The following PRKN variants were observed in gnomAD, a reference collection of about 807,000 sequenced individuals.
PRKN encodes the protein parkin RBR E3 ubiquitin protein ligase.
In PRKN, 56 loss-of-function variants were observed where a neutral mutation model predicts 59.5. That is an observed-to-expected ratio of 0.94 (90% CI 0.76 to 1.18). PRKN has a LOEUF of 1.18. Among genes scored for constraint, PRKN ranks in the 50% most tolerant of loss-of-function variants. The pLI is 0.00. For missense variants in PRKN, 657 were observed against 596.4 expected (o/e 1.10, Z -1.06); for synonymous variants, 250 against 222.1 (o/e 1.13, Z -1.12).
intron 7 of PRKN, among the ~76,000 whole-genome samples, chr6:161,615,424 G>A (rs1218045459): frequency 6.6e-6 from 1 of 152,196 alleles, no homozygotes; most frequent in African/African-American, 2.4e-5. Context: ...GTATAAATAT[G>A]TCAATACTTT....
chr6:161,903,170 G>A (rs896541422), intron 6 of PRKN, among the ~76,000 whole-genome samples: 2 of 152,198 alleles, frequency 1.3e-5, no homozygotes, highest in East Asian at 1.9e-4. Flanking sequence ...GAGACAGGAC[G>A]GAAGCAGCGT....
At position 162,443,474 on chromosome 6, in the gene PRKN, C is replaced by T; in HGVS notation, c.8-1G>A. The T allele has an allele frequency of 6.2e-7, 1 of 1,614,000 alleles. No individual in the cohort carries two copies. Among genetic ancestry groups the T allele is most frequent in the South Asian group, 1.1e-5 (1 of 91,070 alleles). On this transcript the variant is annotated splice_acceptor_variant, in intron 1 of 11. Transcript: ENST00000366898. LOFTEE classifies it high-confidence loss of function. ...TGGCTGGAGTTGAACCTGACAAACA[C>T]TGACCAAGGAAATTGGAAGGGAGAA...
rs1403332788 is a variant in PRKN at position 161,379,047 on chromosome 6, A to C, written c.1167+7747T>G. Among the ~76,000 whole-genome samples, 1 of 152,148 alleles carries C rather than the reference A, an allele frequency of 6.6e-6. No individual in the cohort carries two copies. On this transcript the variant is annotated intron_variant, in intron 10 of 11. Coordinates refer to ENST00000366898, the MANE Select transcript of PRKN (RefSeq NM_004562.3). The surrounding 1 kb of genome is among the most constrained non-coding windows in gnomAD (Gnocchi z 4.9). ...CAAGGGATTAGCAGGCTAGAAAGGG[A>C]GTTGCCATCCTGGAAGGGGTAACTG... is the stretch of plus-strand genomic sequence containing the variant.
chr6:161,462,425 T>C lies in PRKN; in HGVS notation c.1084-75548A>G, dbSNP rs1417589391. On this transcript the variant is annotated intron_variant, in intron 9 of 11. Transcript: ENST00000366898. This position sits in a 1 kb window ranked among gnomAD's most constrained non-coding sequence, Gnocchi z 4.5. ...TCAGTTAATACTGTAGAACGTGCTC[T>C]TCCATTACCTTGAAGCTAATGACTA... Among the ~76,000 whole-genome samples the C allele has an allele frequency of 6.6e-6, 1 of 152,210 alleles. No individual in the cohort carries two copies. Among genetic ancestry groups the C allele is most frequent in the Admixed American group, 6.5e-5 (1 of 15,284 alleles).
At chr6:161,741,161 G>T (rs1788167297) in intron 7 of PRKN, among the ~76,000 whole-genome samples, 1 of 152,146 alleles carries the variant, frequency 6.6e-6, no homozygotes, top group Non-Finnish European at 1.5e-5. Context: ...AGTCATTCAT[G>T]CAACTCTGTC....
At chr6:162,068,235 GT>G (rs1582984243) in intron 4 of PRKN, among the ~76,000 whole-genome samples, 1 of 149,518 alleles carries the variant, frequency 6.7e-6, no homozygotes, top group East Asian at 1.9e-4. Context: ...TTTTGTAGGT[GT>G]TTTTCTTTTA....
chr6:162,357,390 T>C (rs66976885), intron 2 of PRKN, among the ~76,000 whole-genome samples: 40,091 of 152,058 alleles, frequency 0.26, 5,856 homozygotes, highest in African/African-American at 0.38. Flanking sequence ...TATTAAAAGA[T>C]GCTCACCATC....
In PRKN at chr6:161,654,631, A is replaced by G. The variant is rs79367034; in HGVS notation, c.872-85215T>C. On this transcript the variant is annotated intron_variant, in intron 7 of 11. Transcript: ENST00000366898. The stretch of plus-strand genomic sequence containing the variant: ...ATCCCAGGGCAGTGGGGCTTTTAAA[A>G]ATTGCTTCGGATGCAGACAAAGAAA... Among the ~76,000 whole-genome samples, 11 of 152,314 alleles carry G rather than the reference A, an allele frequency of 7.2e-5. No individual in the cohort carries two copies. In the East Asian group the frequency reaches 1.9e-3, roughly 27 times the overall value.
rs567514172 is a variant in PRKN at position 161,619,320 on chromosome 6, A to C, written c.872-49904T>G. 5.6e-5 allele frequency among the ~76,000 whole-genome samples: 6 copies of C among 106,848 alleles called. No individual in the cohort carries two copies. The East Asian group carries it at 1.7e-3, about 30-fold the overall frequency. 70.1% of individuals were successfully genotyped at this position (106,848 alleles called of 152,430 possible). ...CCACCATAGGGAAAGTCATTTGCTAAGCTGCTTTTTTTTTTTTTTTCTTCT... is the reference window on the plus strand; with the variant it reads ...CCACCATAGGGAAAGTCATTTGCTACGCTGCTTTTTTTTTTTTTTTCTTCT... On this transcript the variant is annotated intron_variant, in intron 7 of 11. Coordinates refer to ENST00000366898, the MANE Select transcript of PRKN (RefSeq NM_004562.3).
In PRKN at chr6:161,525,550, G is replaced by A. The variant is rs1207815347; in HGVS notation, c.1083+23304C>T. On this transcript the variant is annotated intron_variant, in intron 9 of 11. Transcript: ENST00000366898. The surrounding 1 kb of genome is among the most constrained non-coding windows in gnomAD (Gnocchi z 4.7). The stretch of plus-strand genomic sequence containing the variant: ...ATGTTTTTATTATAAGATCAGAGAA[G>A]GAAAAATGATCAGAAAGCAAAGAGA... 6.6e-6 allele frequency among the ~76,000 whole-genome samples: 1 copy of A among 152,146 alleles called. No individual in the cohort carries two copies. The highest frequency in any genetic ancestry group is 1.5e-5 in the Non-Finnish European group (1 of 68,020).
rs1468257489 is a variant in PRKN, at chr6:161,566,452, G to A, written c.933+2903C>T. 1.3e-5 allele frequency among the ~76,000 whole-genome samples: 2 copies of A among 152,074 alleles called. No homozygotes were observed. The highest frequency in any genetic ancestry group is 2.9e-5 in the Non-Finnish European group (2 of 68,036). ...GACAGAGTCTCACTCTGTCACCCAG[G>A]CTGGAGTGCATTGGCACGATATTGG... On this transcript the variant is annotated intron_variant, in intron 8 of 11. Coordinates refer to ENST00000366898, the MANE Select transcript of PRKN (RefSeq NM_004562.3). The surrounding 1 kb of genome is among the most constrained non-coding windows in gnomAD (Gnocchi z 4.1).
At chr6:162,051,442 C>T (rs1777640175) in intron 5 of PRKN, among the ~76,000 whole-genome samples, 1 of 152,202 alleles carries the variant, frequency 6.6e-6, no homozygotes, top group African/African-American at 2.4e-5. Context: ...GCCGCAGGTA[C>T]ACCCTCGGGA....
At position 161,352,771 on chromosome 6, in the gene PRKN, A is replaced by ATATATATATATATT. The variant is rs34279714; in HGVS notation, c.1286-2561_1286-2560insAATATATATATATA. On this transcript the variant is annotated intron_variant, in intron 11 of 11. Transcript: ENST00000366898. This position sits in a 1 kb window ranked among gnomAD's most constrained non-coding sequence, Gnocchi z 5.8. The stretch of plus-strand genomic sequence containing the variant: ...TGTGTGTGTGTATATATATATATAT[A>ATATATATATATATT]TTTTATTTTATTTTATTTTATTTTT... 1.1e-3 allele frequency among the ~76,000 whole-genome samples: 126 copies of ATATATATATATATT among 116,886 alleles called. No homozygotes were observed. The highest frequency in any genetic ancestry group is 5.2e-3 in the Middle Eastern group (1 of 192). 76.7% of individuals were successfully genotyped at this position (116,886 alleles called of 152,430 possible). A position where few individuals can be genotyped will look rare whatever the true frequency, so the allele number is the denominator to read the frequency against.
chr6:162,593,013 C>T (rs892502165), intron 1 of PRKN, among the ~76,000 whole-genome samples: 2 of 152,100 alleles, frequency 1.3e-5, no homozygotes, highest in Non-Finnish European at 2.9e-5. Context: ...TACAGAAGGA[C>T]ACTACGCGAA....
chr6:162,544,417 T>G (rs1188049135), intron 1 of PRKN, among the ~76,000 whole-genome samples: 1 of 152,090 alleles, frequency 6.6e-6, no homozygotes, highest in South Asian at 2.1e-4. Flanking sequence ...AAGGGATGTT[T>G]ATGTTATTTA....
chr6:162,332,164 T>C (rs1444354440), intron 2 of PRKN, among the ~76,000 whole-genome samples: 2 of 152,110 alleles, frequency 1.3e-5, no homozygotes, highest in Non-Finnish European at 2.9e-5. Flanking sequence ...CGAAGTCATT[T>C]CTCCAAAATT....
chr6:162,218,852 C>T (rs1777811829), intron 3 of PRKN, among the ~76,000 whole-genome samples: 1 of 152,056 alleles, frequency 6.6e-6, no homozygotes, highest in African/African-American at 2.4e-5. Context: ...TACTTCTTTT[C>T]TGTTTCTCAG....
At chr6:162,285,055 A>G (rs1169051287) in intron 2 of PRKN, among the ~76,000 whole-genome samples, 3 of 152,176 alleles carry the variant, frequency 2.0e-5, no homozygotes, top group Non-Finnish European at 2.9e-5. Flanking sequence ...CGGAGAAGAC[A>G]TCTGTAAGCC....
intron 7 of PRKN, among the ~76,000 whole-genome samples, chr6:161,599,239 C>A (rs866698566): frequency 6.6e-6 from 1 of 152,104 alleles, no homozygotes; most frequent in East Asian, 1.9e-4. Context: ...TTTTTGGCAG[C>A]CCTAGGAAAC....
Sources: gnomAD v4.1 joint callset for allele counts (sites outside exome capture counted in the v4.1 genomes callset) on GRCh38, gnomAD v4.1.1 for gene constraint, Gnocchi (gnomAD v3.1) non-coding constraint, MANE v1.5 for transcripts, NCBI Gene and HGNC (gene_info 2026-07-23, HGNC 2026-07-21) for gene names.